TNIP2: variants seen among roughly 807,000 people sequenced by gnomAD.
The protein encoded by TNIP2 is TNFAIP3 interacting protein 2, also known as TNFAIP3-interacting protein 2.
In TNIP2, 30 loss-of-function variants were observed where a neutral mutation model predicts 43.7. That is an observed-to-expected ratio of 0.69 (90% CI 0.51 to 0.93). The LOEUF (loss-of-function observed/expected upper bound fraction) is 0.93, where lower values mean the gene tolerates loss of function less well. TNIP2 is among the 40% of genes least tolerant of loss of function. TNIP2 has a pLI of 0.00. For missense variants in TNIP2, 599 were observed against 591.0 expected, an observed-to-expected ratio of 1.01 and a Z score of -0.14; for synonymous variants, 260 against 254.6, an observed-to-expected ratio of 1.02 and a Z score of -0.20.
At chr4:2,745,008 C>T in intron 3 of TNIP2, 63 bp from the exon 4 acceptor site, 1 of 1,542,810 alleles carries the variant, frequency 6.5e-7, no homozygotes, top group South Asian at 1.2e-5. Context: ...CAAGCCAGCA[C>T]CCAGTGTGAA....
intron 1 of TNIP2, among the ~76,000 whole-genome samples, chr4:2,751,910 C>G (rs1478511704): frequency 6.6e-6 from 1 of 151,316 alleles, no homozygotes; most frequent in Non-Finnish European, 1.5e-5. Flanking sequence ...TCAAGACCAG[C>G]CTGGCCAACA....
At position 2,742,442 on chromosome 4, in the gene TNIP2, G is replaced by A; in HGVS notation, c.1105C>T (p.Leu369Phe). 1.2e-6 allele frequency: 2 copies of A among 1,612,238 alleles called. No individual in the cohort carries two copies. Among genetic ancestry groups the A allele is most frequent in the Non-Finnish European group, 1.7e-6 (2 of 1,178,904 alleles). Residue 369 changes from leucine (L) to phenylalanine (F), a missense_variant, in exon 6 of 6, where the codon CTT (leucine) becomes TTT (phenylalanine). By Grantham distance (22) the Leu-to-Phe change is conservative (BLOSUM62 0). Coordinates refer to ENST00000315423, the MANE Select transcript of TNIP2 (RefSeq NM_024309.4). Reference sequence around the variant, plus strand: ...GGCCTCCAGCCACCAGGCACCATAAGCTCTAATGCGTCGGCGGCCAAATAC... The same window carrying A: ...GGCCTCCAGCCACCAGGCACCATAAACTCTAATGCGTCGGCGGCCAAATAC... The part of the protein sequence containing the change: ...AKYLAADALE[L>F]MVPGGWRPGT...
Position 2,742,525 on chromosome 4 carries a change from A to G in TNIP2, c.1027-5T>C. On this transcript the variant is annotated splice_polypyrimidine_tract_variant and splice_region_variant and intron_variant, in intron 5 of 5. Transcript: ENST00000315423. Reference sequence around the variant, plus strand: ...GGCGTCTGGCTCTCGAGAATCCTGGAGAAAAGGCAAGGGTGTATATACGTG... The same window carrying G: ...GGCGTCTGGCTCTCGAGAATCCTGGGGAAAAGGCAAGGGTGTATATACGTG... 1 of 1,573,966 alleles carries G rather than the reference A, an allele frequency of 6.4e-7. No homozygotes were observed. The highest frequency in any genetic ancestry group is 2.3e-5 in the East Asian group (1 of 43,542).
intron 3 of TNIP2, chr4:2,745,205 C>G (rs1350604078): frequency 1.6e-6 from 1 of 606,200 alleles, no homozygotes; most frequent in East Asian, 2.8e-5. Context: ...AATGGACCTC[C>G]TGCTGCTAAC....
intron 3 of TNIP2, chr4:2,745,205 C>T: frequency 1.6e-6 from 1 of 606,318 alleles, no homozygotes; most frequent in South Asian, 2.0e-5. Flanking sequence ...AATGGACCTC[C>T]TGCTGCTAAC....
Position 2,744,973 on chromosome 4 carries a change from G to T in TNIP2, c.658-28C>A, listed in dbSNP as rs748109974. On this transcript the variant is annotated intron_variant, in intron 3 of 5. Coordinates refer to ENST00000315423, the MANE Select transcript of TNIP2 (RefSeq NM_024309.4). The surrounding 1 kb of genome is among the most constrained non-coding windows in gnomAD (Gnocchi z 5.1). ...GAAGAGGTGGAGCCGGAAAGCTCAC[G>T]GTGAAGGCAGCTGACAAAGCTGCTC... is the stretch of plus-strand genomic sequence containing the variant. 6.3e-7 allele frequency: 1 copy of T among 1,583,044 alleles called. No homozygotes were observed.
At chr4:2,748,075 TTGGG>T in intron 1 of TNIP2, 130 bp from the exon 2 acceptor site, 1 of 989,188 alleles carries the variant, frequency 1.0e-6, no homozygotes, top group African/African-American at 1.6e-5. Context: ...CACTCAGAAG[TTGGG>T]CGTTTGAACT....
At chr4:2,749,243 A>G (rs1199949342) in intron 1 of TNIP2, among the ~76,000 whole-genome samples, 1 of 152,232 alleles carries the variant, frequency 6.6e-6, no homozygotes, top group African/African-American at 2.4e-5. Flanking sequence ...AATAGCTGGG[A>G]CTACAGGCTC....
At chr4:2,745,221 C>T in intron 3 of TNIP2, 2 of 606,948 alleles carry the variant, frequency 3.3e-6, no homozygotes, top group Non-Finnish European at 2.9e-6. Flanking sequence ...CTAACTCTTG[C>T]ATCTCCTTTA....
At chr4:2,745,653 G>T in intron 2 of TNIP2, 118 bp from the exon 3 acceptor site, 2 of 715,350 alleles carry the variant, frequency 2.8e-6, no homozygotes, top group Non-Finnish European at 4.9e-6. Context: ...AGCGGGTAGT[G>T]ATCATTCATT....
chr4:2,743,015 G>A (rs1445964911), intron 5 of TNIP2, among the ~76,000 whole-genome samples: 3 of 152,106 alleles, frequency 2.0e-5, no homozygotes, highest in African/African-American at 7.2e-5. Context: ...CCAACCACCT[G>A]GCATGATCTG....
chr4:2,747,888 G>A lies in TNIP2; in HGVS notation c.334C>T (p.Leu112=), dbSNP rs758967689. ...EEKEREMQQL[L]SQPQHEREKE... is the part of the protein sequence containing the mutation. ...TCTCGCTCGTGTTGGGGCTGGCTCA[G>A]CAGCTGCTGCATCTCCCTCTCTTTT... Residue 112 remains leucine (L), a synonymous_variant, in exon 2 of 6, where the codon CTG becomes TTG. Coordinates refer to ENST00000315423, the MANE Select transcript of TNIP2 (RefSeq NM_024309.4). 1.5e-5 allele frequency: 25 copies of A among 1,613,624 alleles called. No homozygotes were observed. Among genetic ancestry groups the A allele is most frequent in the African/African-American group, 2.7e-5 (2 of 74,960 alleles).
chr4:2,745,339 GT>G, intron 3 of TNIP2, 106 bp downstream of exon 3: 1 of 829,352 alleles, frequency 1.2e-6, no homozygotes, highest in Non-Finnish European at 2.0e-6. Flanking sequence ...TCAAGTCCTA[GT>G]GGCCAGAGGG....
rs1323882411 is a variant in TNIP2, at chr4:2,744,619, C to G, written c.906+78G>C. ...ACTCAGTGCCACCAAGCCTTCAGCCCAGCCTGTCCCATGATTTCGGCCACC... is the reference window on the plus strand; with the variant it reads ...ACTCAGTGCCACCAAGCCTTCAGCCGAGCCTGTCCCATGATTTCGGCCACC... On this transcript the variant is annotated intron_variant, in intron 4 of 5. Coordinates refer to ENST00000315423, the MANE Select transcript of TNIP2 (RefSeq NM_024309.4). This position sits in a 1 kb window ranked among gnomAD's most constrained non-coding sequence, Gnocchi z 5.1. 2 of 1,588,838 alleles carry G rather than the reference C, an allele frequency of 1.3e-6. No individual in the cohort carries two copies. Among genetic ancestry groups the G allele is most frequent in the East Asian group, 4.5e-5 (2 of 44,684 alleles).
At chr4:2,748,675 G>A (rs1392013897) in intron 1 of TNIP2, among the ~76,000 whole-genome samples, 1 of 134,276 alleles carries the variant, frequency 7.4e-6, no homozygotes, top group African/African-American at 3.3e-5. Flanking sequence ...TATATTTTTA[G>A]TAGAGACGGG....
chr4:2,755,036 C>A (rs1011221360), intron 1 of TNIP2, among the ~76,000 whole-genome samples: 1 of 152,074 alleles, frequency 6.6e-6, no homozygotes, highest in Admixed American at 6.6e-5. Flanking sequence ...GGATTTGTGT[C>A]CTTTATCAGA....
chr4:2,751,932 C>T (rs1198520853), intron 1 of TNIP2, among the ~76,000 whole-genome samples: 8 of 150,508 alleles, frequency 5.3e-5, no homozygotes, highest in Admixed American at 6.6e-5. Flanking sequence ...GGTGAAACCC[C>T]GCCTCTACTA....
Position 2,742,156 on chromosome 4 carries a change from C to G in TNIP2, c.*101G>C. The G allele has an allele frequency of 8.3e-7, 1 of 1,202,744 alleles. No individual in the cohort carries two copies. The highest frequency in any genetic ancestry group is 2.5e-5 in the South Asian group (1 of 40,800). The allele number at this position is 1,202,744 out of a possible 1,614,324, so 74.5% of individuals were successfully genotyped here. ...CCCGCAACTATTCTAGGGGCCTTGG[C>G]TCTCAGTAGAGCTCAACCCATGGCA... On this transcript the variant is annotated 3_prime_UTR_variant, in exon 6 of 6. Transcript: ENST00000315423.
intron 1 of TNIP2, among the ~76,000 whole-genome samples, chr4:2,752,513 C>T (rs1308322036): frequency 6.6e-6 from 1 of 152,194 alleles, no homozygotes; most frequent in Non-Finnish European, 1.5e-5. Flanking sequence ...TTCTGAGCCT[C>T]AGCACTCTCT....
Sources: gnomAD v4.1 joint callset for allele counts (sites outside exome capture counted in the v4.1 genomes callset) on GRCh38, gnomAD v4.1.1 for gene constraint, Gnocchi (gnomAD v3.1) non-coding constraint, MANE v1.5 for transcripts, NCBI Gene and HGNC (gene_info 2026-07-23, HGNC 2026-07-21) for gene names.